Variants in SLC36A1 observed in about 807,000 individuals in gnomAD.
The protein encoded by SLC36A1 is proton-coupled amino acid transporter 1.
Under a neutral mutation model 47.5 loss-of-function variants are expected in SLC36A1, and 30 were observed. The ratio of observed to expected loss-of-function variants is 0.63; its 90% CI spans 0.47 to 0.86. The LOEUF (loss-of-function observed/expected upper bound fraction) is 0.86. SLC36A1 is among the 40% of genes least tolerant of loss of function. SLC36A1 has a pLI of 0.00. For missense variants in SLC36A1, 517 were observed against 606.0 expected (o/e 0.85, Z 1.54); for synonymous variants, 255 against 249.7 (o/e 1.02, Z -0.20).
At chr5:151,509,939 C>T in the SLC36A1 span, 1 of 1,506,730 alleles carries the variant, frequency 6.6e-7, no homozygotes, top group Non-Finnish European at 9.1e-7. Context: ...CCCCTGGCCT[C>T]CCATTGGACT....
intron 10 of SLC36A1, among the ~76,000 whole-genome samples, chr5:151,482,949 A>C (rs1172986797): frequency 6.6e-6 from 1 of 152,188 alleles, no homozygotes; most frequent in East Asian, 1.9e-4. Flanking sequence ...AGGCAGGAGA[A>C]TGGCATGAAC....
rs1036964955 is a variant in SLC36A1, at chr5:151,489,052, T to C, written c.*798T>C. On this transcript the variant is annotated 3_prime_UTR_variant, in exon 11 of 11. Transcript: ENST00000243389. This position sits in a 1 kb window ranked among gnomAD's most constrained non-coding sequence, Gnocchi z 4.5. Reference sequence around the variant, plus strand: ...TAAACTTTGACTCAACTTCTCCTGCTGAAAAGAAGCTCGCTCCAGATGTCT... The same window carrying C: ...TAAACTTTGACTCAACTTCTCCTGCCGAAAAGAAGCTCGCTCCAGATGTCT... 1 of 152,146 alleles carries C rather than the reference T, an allele frequency of 6.6e-6. No individual in the cohort carries two copies. Among genetic ancestry groups the C allele is most frequent in the Admixed American group, 6.5e-5 (1 of 15,274 alleles). 9.4% of individuals were successfully genotyped at this position (152,146 alleles called of 1,614,324 possible).
At chr5:151,534,970 A>ATAT in the SLC36A1 span, among the ~76,000 whole-genome samples, 13 of 106,372 alleles carry the variant, frequency 1.2e-4, no homozygotes, top group Non-Finnish European at 1.7e-4. Flanking sequence ...CTTCTAGGAA[A>ATAT]ATATATATAT....
chr5:151,412,989 A>G, the SLC36A1 span, among the ~76,000 whole-genome samples: 2 of 144,666 alleles, frequency 1.4e-5, no homozygotes, highest in Middle Eastern at 3.5e-3. Flanking sequence ...CATTGCCTCA[A>G]TAGGGCTTAT....
At chr5:151,447,273 G>A (rs1314408878), upstream of SLC36A1, among the ~76,000 whole-genome samples, 4 of 152,266 alleles carry the variant, frequency 2.6e-5, no homozygotes, top group Middle Eastern at 3.4e-3. Flanking sequence ...TTAAAAATAT[G>A]CATATTTCTT....
At chr5:151,449,206 T>G (rs1460526541) in intron 1 of SLC36A1, among the ~76,000 whole-genome samples, 34 of 152,238 alleles carry the variant, frequency 2.2e-4, no homozygotes, top group Non-Finnish European at 7.3e-5. Context: ...TCTTCCTATC[T>G]CTGTATTATG....
At chr5:151,346,208 C>T in the SLC36A1 span, among the ~76,000 whole-genome samples, 1 of 152,226 alleles carries the variant, frequency 6.6e-6, no homozygotes, top group East Asian at 1.9e-4. Context: ...AATGCCTCTA[C>T]TTAGCAGTGG....
chr5:151,397,277 C>T, the SLC36A1 span, among the ~76,000 whole-genome samples: 4 of 152,216 alleles, frequency 2.6e-5, no homozygotes, highest in African/African-American at 9.7e-5. Flanking sequence ...CCCATGCATA[C>T]ACATGGAGCC....
intron 10 of SLC36A1, among the ~76,000 whole-genome samples, chr5:151,481,361 G>C (rs899823560): frequency 6.6e-6 from 1 of 152,192 alleles, no homozygotes; most frequent in African/African-American, 2.4e-5. Context: ...TGGAGACTTT[G>C]AAGTAATTGT....
intron 1 of SLC36A1, among the ~76,000 whole-genome samples, chr5:151,449,602 A>G (rs1038730339): frequency 1.3e-5 from 2 of 152,206 alleles, no homozygotes; most frequent in African/African-American, 2.4e-5. Context: ...AAGGCGGTGT[A>G]AGAAAAAGGG....
At chr5:151,545,444 G>A in the SLC36A1 span, 1,419 of 1,614,100 alleles carry the variant, frequency 8.8e-4, 7 homozygotes, top group African/African-American at 0.013. Context: ...TCGCTGGCCC[G>A]CACCATGAGA....
chr5:151,378,383 G>A, the SLC36A1 span: 1 of 180,020 alleles, frequency 5.6e-6, no homozygotes, highest in African/African-American at 2.3e-5. Flanking sequence ...TGGGGTCTTT[G>A]CCCCACCAAA....
chr5:151,474,014 G>T (rs1000862408), intron 8 of SLC36A1, among the ~76,000 whole-genome samples: 1 of 151,796 alleles, frequency 6.6e-6, no homozygotes, highest in African/African-American at 2.4e-5. Context: ...ACAAAAATCA[G>T]CTAGGCATGG....
At chr5:151,534,525 T>G in the SLC36A1 span, 4 of 1,613,856 alleles carry the variant, frequency 2.5e-6, no homozygotes, top group East Asian at 8.9e-5. Context: ...ATTCACATCC[T>G]CCACATGGAG....
chr5:151,465,355 T>C (rs773710167), intron 5 of SLC36A1, among the ~76,000 whole-genome samples, 186 bp downstream of exon 5: 60 of 152,306 alleles, frequency 3.9e-4, no homozygotes, highest in South Asian at 4.1e-4. Flanking sequence ...CCTTTTTTCC[T>C]TGGGTTTTAG....
the SLC36A1 span, among the ~76,000 whole-genome samples, chr5:151,389,075 A>G: frequency 6.6e-6 from 1 of 152,334 alleles, no homozygotes; most frequent in East Asian, 1.9e-4. Flanking sequence ...CCTACAGGAA[A>G]GAGTTACAAA....
At chr5:151,398,727 T>C in the SLC36A1 span, among the ~76,000 whole-genome samples, 4 of 152,100 alleles carry the variant, frequency 2.6e-5, no homozygotes, top group African/African-American at 9.7e-5. Context: ...AGGGGAAGAA[T>C]TTGAGTGGGA....
chr5:151,406,242 C>T, the SLC36A1 span, among the ~76,000 whole-genome samples: 1 of 152,294 alleles, frequency 6.6e-6, no homozygotes, highest in African/African-American at 2.4e-5. Context: ...ACCTGCAGGT[C>T]CTCTGAGCTT....
In SLC36A1 at chr5:151,450,822, G is replaced by A. The variant is rs143381067; in HGVS notation, c.-6+3009G>A. The A allele has an allele frequency of 4.1e-3, 625 of 152,362 alleles. 5 individuals are homozygous for A. Among genetic ancestry groups the A allele is most frequent in the Non-Finnish European group, 6.0e-3 (410 of 68,106 alleles). The allele number at this position is 152,362 out of a possible 1,614,324, so 9.4% of individuals were successfully genotyped here. On this transcript the variant is annotated intron_variant, in intron 1 of 10. Transcript: ENST00000243389. The stretch of plus-strand genomic sequence containing the variant: ...TTTTCCTGGCCTGGTGCTGATAACC[G>A]CTTCCAAAGTGCATGACTGATTAGC...
Sources: allele counts gnomAD v4.1 joint callset (sites outside exome capture counted in the v4.1 genomes callset), GRCh38; gene constraint gnomAD v4.1.1; non-coding constraint Gnocchi (gnomAD v3.1); transcripts MANE v1.5; gene names NCBI Gene and HGNC (gene_info 2026-07-23, HGNC 2026-07-21).